QKI: variants seen among roughly 807,000 people sequenced by gnomAD.
QKI encodes KH domain-containing RNA-binding protein QKI.
In QKI, 10 loss-of-function variants were observed where a neutral mutation model predicts 39.0. The observed-to-expected ratio is 0.26, with a 90% CI of 0.16 to 0.43. The LOEUF (loss-of-function observed/expected upper bound fraction) is 0.43. QKI is among the 20% of genes least tolerant of loss of function. The pLI is 1.00. For synonymous variants in QKI, 204 were observed against 155.4 expected, an observed-to-expected ratio of 1.31 and a Z score of -2.33; for missense variants, 218 against 428.0, an observed-to-expected ratio of 0.51 and a Z score of 4.33.
intron 4 of QKI, among the ~76,000 whole-genome samples, chr6:163,549,101 C>A (rs935024477): frequency 1.3e-5 from 2 of 152,004 alleles, no homozygotes; most frequent in African/African-American, 2.4e-5. Context: ...AGGCAACTTA[C>A]AATCATGGCG....
At chr6:163,488,891 C>G (rs1777857834) in intron 3 of QKI, among the ~76,000 whole-genome samples, 1 of 151,560 alleles carries the variant, frequency 6.6e-6, no homozygotes, top group South Asian at 2.1e-4. Context: ...TGGCTTTCAT[C>G]TCAGGCCCAT....
intron 3 of QKI, among the ~76,000 whole-genome samples, chr6:163,486,611 A>G (rs1777696382): frequency 6.6e-6 from 1 of 152,204 alleles, no homozygotes. Flanking sequence ...TAATTGGTCA[A>G]TATGTTATAT....
At chr6:163,477,726 C>G (rs1247981756) in intron 2 of QKI, among the ~76,000 whole-genome samples, 1 of 152,142 alleles carries the variant, frequency 6.6e-6, no homozygotes, top group Non-Finnish European at 1.5e-5. Context: ...GGCGTACTAC[C>G]TACCACCTTT....
chr6:163,572,699 G>A lies in QKI; in HGVS notation c.*1989G>A, dbSNP rs993785328. On this transcript the variant is annotated 3_prime_UTR_variant, in exon 8 of 8. Coordinates refer to ENST00000361752, the MANE Select transcript of QKI (RefSeq NM_006775.3). Reference sequence around the variant, plus strand: ...CCCCCCCCGCCCAGCTTATCAACTCGTCCCCTCTTCCACACCTTCCCAGCA... The same window carrying A: ...CCCCCCCCGCCCAGCTTATCAACTCATCCCCTCTTCCACACCTTCCCAGCA... 2 of 42,300 alleles carry A rather than the reference G, an allele frequency of 4.7e-5. No homozygotes were observed. The highest frequency in any genetic ancestry group is 7.4e-4 in the South Asian group (1 of 1,352). The allele number at this position is 42,300 out of a possible 1,614,324, so 2.6% of individuals were successfully genotyped here. A position where few individuals can be genotyped will look rare whatever the true frequency, so the allele number is the denominator to read the frequency against.
intron 4 of QKI, among the ~76,000 whole-genome samples, chr6:163,554,673 T>C (rs751639192): frequency 4.6e-5 from 7 of 152,254 alleles, no homozygotes; most frequent in Non-Finnish European, 1.0e-4. Flanking sequence ...CACCGTCTAC[T>C]TTATTGCTTA....
chr6:163,540,449 C>T (rs1034973064), intron 4 of QKI, among the ~76,000 whole-genome samples: 1 of 152,056 alleles, frequency 6.6e-6, no homozygotes, highest in Non-Finnish European at 1.5e-5. Context: ...TTACATGTAA[C>T]TAAATGTTTA....
intron 3 of QKI, among the ~76,000 whole-genome samples, chr6:163,490,249 C>G (rs1423684709): frequency 1.3e-5 from 2 of 152,176 alleles, no homozygotes; most frequent in Non-Finnish European, 2.9e-5. Context: ...GTAAGTAGTA[C>G]TATAAATGAC....
intron 3 of QKI, among the ~76,000 whole-genome samples, chr6:163,482,502 A>T (rs1449156740): frequency 6.6e-6 from 1 of 152,178 alleles, no homozygotes; most frequent in Non-Finnish European, 1.5e-5. Context: ...TCCACTTCAG[A>T]TGCCAGTTAC....
Position 163,570,720 on chromosome 6 carries a change from T to C in QKI, c.*10T>C, listed in dbSNP as rs1332157054. 3 of 1,613,150 alleles carry C rather than the reference T, an allele frequency of 1.9e-6. No homozygotes were observed. Among genetic ancestry groups the C allele is most frequent in the African/African-American group, 2.7e-5 (2 of 74,812 alleles). ...CGCCACCGGCAACTAACCTATGACC[T>C]TCTGACCTCTGAACTCTTCACCCAA... is the stretch of plus-strand genomic sequence containing the variant. On this transcript the variant is annotated 3_prime_UTR_variant, in exon 8 of 8. Coordinates refer to ENST00000361752, the MANE Select transcript of QKI (RefSeq NM_006775.3).
rs556254675 is a variant in QKI at position 163,572,504 on chromosome 6, T to C, written c.*1794T>C. On this transcript the variant is annotated 3_prime_UTR_variant, in exon 8 of 8. Coordinates refer to ENST00000361752, the MANE Select transcript of QKI (RefSeq NM_006775.3). ...TGTGAAAAACTAGCATCATAGTGCA[T>C]ATAAATACTCAACCACATTTCAGCT... 3.3e-5 allele frequency: 5 copies of C among 151,706 alleles called. No homozygotes were observed. Among genetic ancestry groups the C allele is most frequent in the African/African-American group, 1.2e-4 (5 of 41,334 alleles). 9.4% of individuals were successfully genotyped at this position (151,706 alleles called of 1,614,324 possible).
intron 3 of QKI, among the ~76,000 whole-genome samples, chr6:163,500,857 G>A (rs1157062530): frequency 6.6e-6 from 1 of 152,084 alleles, no homozygotes; most frequent in Admixed American, 6.6e-5. Context: ...GACTTTGGTG[G>A]CCATATTAGG....
At chr6:163,503,794 C>T (rs1341529647) in intron 3 of QKI, among the ~76,000 whole-genome samples, 4 of 151,982 alleles carry the variant, frequency 2.6e-5, no homozygotes. Context: ...GGCTGGAGTG[C>T]AGTGGCTCGA....
At chr6:163,416,022 C>G (rs751584119) in intron 1 of QKI, 1 of 370,972 alleles carries the variant, frequency 2.7e-6, no homozygotes, top group African/African-American at 2.8e-5. Flanking sequence ...GAAGCGAGAA[C>G]TGTTAGGGAG....
intron 1 of QKI, 23 bp from the exon 2 acceptor site, chr6:163,455,256 T>G (rs748295223): frequency 2.1e-5 from 34 of 1,591,078 alleles, no homozygotes; most frequent in Non-Finnish European, 2.8e-5. Flanking sequence ...GTCTAACACA[T>G]TTAAAATTTT....
chr6:163,415,855 G>T, intron 1 of QKI: 2 of 497,022 alleles, frequency 4.0e-6, no homozygotes, highest in Non-Finnish European at 4.0e-6. Flanking sequence ...GCGGGGTTTC[G>T]TGGTTGGGGA....
intron 1 of QKI, among the ~76,000 whole-genome samples, chr6:163,440,244 G>A (rs766024764): frequency 5.9e-5 from 9 of 152,230 alleles, no homozygotes; most frequent in Non-Finnish European, 1.2e-4. Flanking sequence ...TGGGGATGGA[G>A]CAGTAGTGCT....
At chr6:163,463,496 C>T (rs77843738) in intron 2 of QKI, among the ~76,000 whole-genome samples, 4,243 of 152,250 alleles carry the variant, frequency 0.028, 194 homozygotes, top group African/African-American at 0.096. Flanking sequence ...CGTGATACTT[C>T]GATTTGACAC....
intron 3 of QKI, among the ~76,000 whole-genome samples, chr6:163,495,873 G>A (rs1420673894): frequency 6.6e-6 from 1 of 152,124 alleles, no homozygotes; most frequent in Non-Finnish European, 1.5e-5. Context: ...CCTCATTTTT[G>A]ATGTTGATAA....
intron 3 of QKI, among the ~76,000 whole-genome samples, chr6:163,502,369 T>C (rs2128232075): frequency 6.6e-6 from 1 of 152,204 alleles, no homozygotes; most frequent in Admixed American, 6.5e-5. Flanking sequence ...TATATATGTA[T>C]ATTCTTAATA....
Sources: gnomAD v4.1 joint callset for allele counts (sites outside exome capture counted in the v4.1 genomes callset) on GRCh38, gnomAD v4.1.1 for gene constraint, MANE v1.5 for transcripts, NCBI Gene and HGNC (gene_info 2026-07-23, HGNC 2026-07-21) for gene names.